TCP11L1: variants seen among roughly 807,000 people sequenced by gnomAD.
The protein encoded by TCP11L1 is T-complex protein 11-like protein 1.
A neutral mutation model predicts 48.9 loss-of-function variants in TCP11L1; 28 were observed. The ratio of observed to expected loss-of-function variants is 0.57; its 90% confidence interval spans 0.42 to 0.78. TCP11L1 has a LOEUF of 0.78. Among genes scored for constraint, TCP11L1 ranks in the 30% least tolerant of loss-of-function variants. The pLI is 0.00. For synonymous variants in TCP11L1, 204 were observed against 231.9 expected (o/e 0.88, Z 1.09); for missense variants, 505 against 613.4 (o/e 0.82, Z 1.87).
chr11:33,066,122 A>C, intron 8 of TCP11L1, 111 bp downstream of exon 8: 1 of 1,363,818 alleles, frequency 7.3e-7, no homozygotes, highest in Non-Finnish European at 1.0e-6. Context: ...ACTCTCTAGG[A>C]ACTGAGAAGA....
intron 7 of TCP11L1, 32 bp from the exon 8 acceptor site, chr11:33,065,798 A>G: frequency 6.3e-7 from 1 of 1,595,888 alleles, no homozygotes; most frequent in Non-Finnish European, 8.6e-7. Context: ...CTGGACCTGC[A>G]GCTCAGCGAT....
chr11:33,046,339 G>A (rs1266963751), intron 2 of TCP11L1, among the ~76,000 whole-genome samples: 2 of 152,214 alleles, frequency 1.3e-5, no homozygotes, highest in African/African-American at 4.8e-5. Flanking sequence ...TGATGGCTTC[G>A]CCTTTGGCAT....
At chr11:33,068,571 C>T in intron 8 of TCP11L1, 116 bp from the exon 9 acceptor site, 12 of 1,302,526 alleles carry the variant, frequency 9.2e-6, no homozygotes, top group Non-Finnish European at 1.3e-5. Flanking sequence ...CTCAAATTGT[C>T]CCTTGAACAC....
At chr11:33,063,557 C>T (rs1854525116) in intron 7 of TCP11L1, among the ~76,000 whole-genome samples, 1 of 152,198 alleles carries the variant, frequency 6.6e-6, no homozygotes, top group African/African-American at 2.4e-5. Flanking sequence ...ACTTCTTCCC[C>T]TTCCATGCTG....
intron 9 of TCP11L1, 147 bp from the exon 10 acceptor site, chr11:33,072,327 G>A: frequency 1.3e-6 from 1 of 767,464 alleles, no homozygotes; most frequent in South Asian, 1.7e-5. Flanking sequence ...ATATGCAGAA[G>A]TGCAAGGTGC....
At chr11:33,057,266 C>A (rs1854337906) in intron 4 of TCP11L1, 31 bp downstream of exon 4, 4 of 1,614,016 alleles carry the variant, frequency 2.5e-6, no homozygotes, top group Non-Finnish European at 3.4e-6. Flanking sequence ...TGATGCTTTT[C>A]TGGTGTGTTA....
At chr11:33,056,543 A>G (rs1227631129) in intron 3 of TCP11L1, 1 of 163,576 alleles carries the variant, frequency 6.1e-6, no homozygotes, top group African/African-American at 2.4e-5. Context: ...CCTACTACAT[A>G]CTGAATTGTT....
At position 33,039,616 on chromosome 11, in the gene TCP11L1, G is replaced by C. The variant is rs1853767597; in HGVS notation, c.-201G>C. The C allele has an allele frequency of 6.6e-6, 1 of 152,354 alleles. No homozygotes were observed. Among genetic ancestry groups the C allele is most frequent in the Non-Finnish European group, 1.5e-5 (1 of 68,134 alleles). 9.4% of individuals were successfully genotyped at this position (152,354 alleles called of 1,614,324 possible). On this transcript the variant is annotated 5_prime_UTR_variant, in exon 1 of 10. Coordinates refer to ENST00000334274, the MANE Select transcript of TCP11L1 (RefSeq NM_018393.4). ...CTGAGAAGCGGCCGCTCTGACCGCT[G>C]CCCACCCGAGTCGGGCTGGGAGGAC...
chr11:33,056,669 C>T, intron 3 of TCP11L1: 1 of 255,132 alleles, frequency 3.9e-6, no homozygotes, highest in Non-Finnish European at 8.0e-6. Flanking sequence ...ATCTCGAACT[C>T]CTCACCTCAG....
In TCP11L1 at chr11:33,058,984, A is replaced by C; in HGVS notation, c.664A>C (p.Met222Leu). Residue 222 changes from methionine to leucine, a missense_variant, in exon 6 of 10, where the codon ATG (methionine) becomes CTG (leucine). Physicochemically the swap from Met to Leu is conservative, Grantham distance 15. Coordinates refer to ENST00000334274, the MANE Select transcript of TCP11L1 (RefSeq NM_018393.4). ...FREIFSVLDL[M>L]KVDMANFAIS... ...AGAAATTTTTTCTGTGTTGGACCTA[A>C]TGAAAGTGGACATGGCCAACTTTGC... is the stretch of plus-strand genomic sequence containing the variant. 8 of 1,614,142 alleles carry C rather than the reference A, an allele frequency of 5.0e-6. No individual in the cohort carries two copies. The highest frequency in any genetic ancestry group is 6.8e-6 in the Non-Finnish European group (8 of 1,180,020).
At chr11:33,048,290 A>G (rs1392031831) in intron 2 of TCP11L1, among the ~76,000 whole-genome samples, 1 of 152,046 alleles carries the variant, frequency 6.6e-6, no homozygotes, top group African/African-American at 2.4e-5. Flanking sequence ...TGAGACTACA[A>G]GTGTGCACCA....
rs1333279455 is a variant in TCP11L1 at position 33,072,581 on chromosome 11, G to C, written c.1435G>C (p.Val479Leu). ...TCCAGTTCAGAGAGAGCTGGAGGAAGTTGCTATTAAATTTGCTCGCCTGGT... is the reference window on the plus strand; with the variant it reads ...TCCAGTTCAGAGAGAGCTGGAGGAACTTGCTATTAAATTTGCTCGCCTGGT... ...LSPVQRELEE[V>L]AIKFARLVNY... Residue 479 changes from valine to leucine, a missense_variant, in exon 10 of 10, where the codon GTT becomes CTT. Coordinates refer to ENST00000334274, the MANE Select transcript of TCP11L1 (RefSeq NM_018393.4). 3 of 1,614,050 alleles carry C rather than the reference G, an allele frequency of 1.9e-6. No individual in the cohort carries two copies. Among genetic ancestry groups the C allele is most frequent in the Non-Finnish European group, 2.5e-6 (3 of 1,180,044 alleles).
At chr11:33,045,478 C>T (rs971413882) in intron 2 of TCP11L1, among the ~76,000 whole-genome samples, 9 of 151,498 alleles carry the variant, frequency 5.9e-5, no homozygotes, top group South Asian at 2.1e-4. Context: ...ATTGTGTCAC[C>T]GCACTCCAGC....
At chr11:33,048,856 G>A (rs1456373320) in intron 2 of TCP11L1, among the ~76,000 whole-genome samples, 1 of 152,206 alleles carries the variant, frequency 6.6e-6, no homozygotes, top group Non-Finnish European at 1.5e-5. Context: ...AGAGTCCAGA[G>A]GAAGTGAAAT....
rs149176930 is a variant in TCP11L1 at position 33,054,096 on chromosome 11, G to A, written c.164-497G>A. 7.7e-4 allele frequency among the ~76,000 whole-genome samples: 117 copies of A among 152,304 alleles called. 1 individual carries two copies. Among genetic ancestry groups the A allele is most frequent in the African/African-American group, 2.7e-3 (112 of 41,564 alleles). On this transcript the variant is annotated intron_variant, in intron 2 of 9. Coordinates refer to ENST00000334274, the MANE Select transcript of TCP11L1 (RefSeq NM_018393.4). The stretch of plus-strand genomic sequence containing the variant: ...CTCCCAAAGTGCTAGCATTACAGGT[G>A]TGAACCACTGTGCCTAGCCTTGATG...
At chr11:33,066,426 G>C (rs7946693) in intron 8 of TCP11L1, among the ~76,000 whole-genome samples, 62,475 of 151,946 alleles carry the variant, frequency 0.41, 13,076 homozygotes, top group African/African-American at 0.48. Context: ...AGATGTGAGG[G>C]AGCATTTAGG....
intron 2 of TCP11L1, among the ~76,000 whole-genome samples, chr11:33,047,228 AAG>A (rs1554941800): frequency 2.6e-5 from 4 of 151,950 alleles, no homozygotes; most frequent in Admixed American, 6.6e-5. Context: ...AAAAAAAAAA[AAG>A]AGTAGAATTC....
chr11:33,064,421 T>G (rs1310346369), intron 7 of TCP11L1, among the ~76,000 whole-genome samples: 1 of 152,180 alleles, frequency 6.6e-6, no homozygotes, highest in Non-Finnish European at 1.5e-5. Flanking sequence ...TCTCAGTTTC[T>G]GACAGCAAGA....
intron 1 of TCP11L1, chr11:33,041,200 T>C (rs1019032419): frequency 6.6e-6 from 1 of 152,188 alleles, no homozygotes; most frequent in Admixed American, 6.5e-5. Flanking sequence ...CTAGAAATCC[T>C]CCCTTTCCTC....
Sources: gnomAD v4.1 joint callset for allele counts (sites outside exome capture counted in the v4.1 genomes callset) on GRCh38, gnomAD v4.1.1 for gene constraint, MANE v1.5 for transcripts, NCBI Gene and HGNC (gene_info 2026-07-23, HGNC 2026-07-21) for gene names.